MAML1: variants seen among roughly 807,000 people sequenced by gnomAD.
MAML1 encodes the protein mastermind like transcriptional coactivator 1.
A neutral mutation model predicts 77.1 loss-of-function variants in MAML1; 14 were observed. The ratio of observed to expected loss-of-function variants is 0.18; its 90% CI spans 0.12 to 0.28. The LOEUF (loss-of-function observed/expected upper bound fraction) is 0.28, where lower values mean the gene tolerates loss of function less well. MAML1 is among the 10% of genes least tolerant of loss of function. MAML1 has a pLI of 1.00. For synonymous variants in MAML1, 516 were observed against 551.9 expected (o/e 0.93, Z 0.91); for missense variants, 1,217 against 1,327.8 (o/e 0.92, Z 1.30).
At position 179,766,603 on chromosome 5, in the gene MAML1, G is replaced by A. The variant is rs1282819032; in HGVS notation, c.1593G>A (p.Gly531=). 2.5e-6 allele frequency: 4 copies of A among 1,613,260 alleles called. No homozygotes were observed. The highest frequency in any genetic ancestry group is 2.2e-5 in the East Asian group (1 of 44,856). ...YKADCGQGSP[G]SGQSKPALMA... ...CGGACTGTGGGCAAGGCAGCCCGGG[G>A]TCTGGCCAGAGCAAGCCAGCCCTGA... Residue 531 remains glycine, a synonymous_variant, in exon 2 of 5, where the codon GGG becomes GGA. Transcript: ENST00000292599. The surrounding 1 kb of genome is among the most constrained non-coding windows in gnomAD (Gnocchi z 4.0).
intron 1 of MAML1, among the ~76,000 whole-genome samples, chr5:179,757,132 A>G (rs1165944627): frequency 6.6e-6 from 1 of 152,104 alleles, no homozygotes; most frequent in Non-Finnish European, 1.5e-5. Flanking sequence ...AGTTTGGAAT[A>G]ATGACTTGCA....
At chr5:179,755,795 C>T (rs1028359972) in intron 1 of MAML1, among the ~76,000 whole-genome samples, 16 of 148,388 alleles carry the variant, frequency 1.1e-4, no homozygotes, top group African/African-American at 3.5e-4. Flanking sequence ...GACAGAGTCT[C>T]ATTCTGTCAC....
In MAML1 at chr5:179,771,131, T is replaced by A. The variant is rs1242306544; in HGVS notation, c.1972-16T>A. 1.2e-6 allele frequency: 2 copies of A among 1,608,322 alleles called. No homozygotes were observed. Among genetic ancestry groups the A allele is most frequent in the African/African-American group, 1.3e-5 (1 of 74,914 alleles). On this transcript the variant is annotated splice_polypyrimidine_tract_variant and intron_variant, in intron 3 of 4. Coordinates refer to ENST00000292599, the MANE Select transcript of MAML1 (RefSeq NM_014757.5). This position sits in a 1 kb window ranked among gnomAD's most constrained non-coding sequence, Gnocchi z 4.7. ...TTATATGTTGGTTTTGTTTTGTTGT[T>A]CTTGGCATTTTCTAGGAGAAGCAAC...
chr5:179,754,159 G>A (rs1003807515), intron 1 of MAML1, among the ~76,000 whole-genome samples: 1 of 152,114 alleles, frequency 6.6e-6, no homozygotes, highest in Non-Finnish European at 1.5e-5. Context: ...GGCTCCATCT[G>A]TAGTCTCAGA....
At chr5:179,767,558 G>T (rs1192811960) in intron 2 of MAML1, among the ~76,000 whole-genome samples, 1 of 152,112 alleles carries the variant, frequency 6.6e-6, no homozygotes, top group African/African-American at 2.4e-5. Flanking sequence ...TTATATCCAA[G>T]ATATTCATTG....
intron 4 of MAML1, among the ~76,000 whole-genome samples, chr5:179,772,371 C>A (rs1298037461): frequency 6.6e-6 from 1 of 152,172 alleles, no homozygotes; most frequent in Non-Finnish European, 1.5e-5. Flanking sequence ...CCCGCCTTGG[C>A]CTCCCAAAGT....
rs1254121306 is a variant in MAML1 at position 179,776,040 on chromosome 5, C to T, written c.*1163C>T. On this transcript the variant is annotated 3_prime_UTR_variant, in exon 5 of 5. Coordinates refer to ENST00000292599, the MANE Select transcript of MAML1 (RefSeq NM_014757.5). The stretch of plus-strand genomic sequence containing the variant: ...GATTGCTTTATAACACTAAGACATC[C>T]TTTCTAAAGATTCAAGTGGACTTGA... 3.0e-6 allele frequency: 3 copies of T among 985,746 alleles called. No homozygotes were observed. The highest frequency in any genetic ancestry group is 3.5e-5 in the African/African-American group (2 of 57,252). The allele number at this position is 985,746 out of a possible 1,614,324, so 61.1% of individuals were successfully genotyped here.
At chr5:179,767,155 T>A (rs1779837365) in intron 2 of MAML1, among the ~76,000 whole-genome samples, 1 of 150,956 alleles carries the variant, frequency 6.6e-6, no homozygotes. Flanking sequence ...AATTCCCTAA[T>A]TTTTGGTAAG....
At chr5:179,741,574 T>C (rs1168171307) in intron 1 of MAML1, among the ~76,000 whole-genome samples, 1 of 151,324 alleles carries the variant, frequency 6.6e-6, no homozygotes, top group Non-Finnish European at 1.5e-5. Flanking sequence ...TAATCCCAGT[T>C]ACTCAGGAGG....
At chr5:179,744,535 C>G (rs369962649) in intron 1 of MAML1, among the ~76,000 whole-genome samples, 1 of 151,110 alleles carries the variant, frequency 6.6e-6, no homozygotes, top group East Asian at 2.0e-4. Context: ...ATCCTTTTGG[C>G]AGGATTTTTT....
In MAML1 at chr5:179,733,358, C is replaced by A. The variant is rs1266400148; in HGVS notation, c.246C>A (p.Ala82=). 16 of 1,243,902 alleles carry A rather than the reference C, an allele frequency of 1.3e-5. No individual in the cohort carries two copies. Among genetic ancestry groups the A allele is most frequent in the Non-Finnish European group, 1.5e-5 (15 of 996,194 alleles). 77.1% of individuals were successfully genotyped at this position (1,243,902 alleles called of 1,614,324 possible). The change falls in exon 1 of 5, where the codon GCC becomes GCA. Residue 82 remains alanine, a synonymous_variant. Transcript: ENST00000292599. ...GKHRQPPAAT[A]PAPAAPAPRL... is the part of the protein sequence containing the mutation. Reference sequence around the variant, plus strand: ...ACAGGCAGCCGCCCGCCGCCACGGCCCCGGCGCCCGCCGCCCCGGCCCCGC... The same window carrying A: ...ACAGGCAGCCGCCCGCCGCCACGGCACCGGCGCCCGCCGCCCCGGCCCCGC...
intron 1 of MAML1, among the ~76,000 whole-genome samples, chr5:179,762,523 C>T (rs1779742547): frequency 6.6e-6 from 1 of 152,190 alleles, no homozygotes; most frequent in Admixed American, 6.5e-5. Context: ...CTGGGTCCTC[C>T]TGGAACCCTG....
intron 1 of MAML1, among the ~76,000 whole-genome samples, chr5:179,753,859 A>G (rs1268512351): frequency 1.3e-5 from 2 of 151,482 alleles, no homozygotes; most frequent in African/African-American, 4.8e-5. Context: ...TTTAGTAGAG[A>G]TGGCGTTTCA....
chr5:179,759,177 C>G (rs1779679686), intron 1 of MAML1, among the ~76,000 whole-genome samples: 1 of 152,160 alleles, frequency 6.6e-6, no homozygotes, highest in African/African-American at 2.4e-5. Flanking sequence ...ATGCAAGCTT[C>G]TCTTTCGGCA....
intron 2 of MAML1, among the ~76,000 whole-genome samples, chr5:179,768,490 C>T (rs1186320135): frequency 1.3e-5 from 2 of 152,208 alleles, no homozygotes; most frequent in Non-Finnish European, 2.9e-5. Context: ...CCCCTATTGG[C>T]CCGCTCTGCA....
At chr5:179,767,257 A>G (rs964680893) in intron 2 of MAML1, among the ~76,000 whole-genome samples, 3 of 152,122 alleles carry the variant, frequency 2.0e-5, no homozygotes, top group African/African-American at 7.2e-5. Flanking sequence ...CATCAAATGG[A>G]AAATGGCCCT....
intron 1 of MAML1, among the ~76,000 whole-genome samples, chr5:179,751,271 C>T (rs1184144940): frequency 6.6e-6 from 1 of 152,184 alleles, no homozygotes; most frequent in East Asian, 1.9e-4. Flanking sequence ...CCGTGCCCAG[C>T]TGGCTACTTT....
At chr5:179,743,411 G>A (rs1779320177) in intron 1 of MAML1, among the ~76,000 whole-genome samples, 1 of 136,056 alleles carries the variant, frequency 7.3e-6, no homozygotes. Flanking sequence ...GTGTCTCCCA[G>A]GCTGGAGGGC....
intron 1 of MAML1, among the ~76,000 whole-genome samples, chr5:179,739,776 C>T (rs566037216): frequency 3.7e-4 from 56 of 152,236 alleles, no homozygotes; most frequent in African/African-American, 1.3e-3. Flanking sequence ...TTTAAAGTAT[C>T]CTGGAAGATG....
Sources: gnomAD v4.1 joint callset for allele counts (sites outside exome capture counted in the v4.1 genomes callset) on GRCh38, gnomAD v4.1.1 for gene constraint, Gnocchi (gnomAD v3.1) non-coding constraint, MANE v1.5 for transcripts, NCBI Gene and HGNC (gene_info 2026-07-23, HGNC 2026-07-21) for gene names.